SAMD3: variants seen among roughly 807,000 people sequenced by gnomAD.
SAMD3 encodes the protein sterile alpha motif domain containing 3, also known as sterile alpha motif domain-containing protein 3.
Under a neutral mutation model 58.5 loss-of-function variants are expected in SAMD3, and 63 were observed. The observed-to-expected ratio is 1.08, with a 90% CI of 0.88 to 1.33. The LOEUF is 1.33. Ranked by LOEUF, SAMD3 falls within the 40% of genes most tolerant of loss-of-function variation. The probability of loss-of-function intolerance (pLI) is 0.00; values close to 1 mark genes in which losing one functional copy is unlikely to be tolerated. For missense variants in SAMD3, 604 were observed against 608.4 expected (o/e 0.99, Z 0.08); for synonymous variants, 220 against 210.3 (o/e 1.05, Z -0.40).
chr6:130,268,456 T>TGTACATTATTG (rs1295881699), intron 2 of SAMD3, among the ~76,000 whole-genome samples: 2 of 152,248 alleles, frequency 1.3e-5, no homozygotes, highest in East Asian at 1.9e-4. Flanking sequence ...TTTATAAAAT[T>TGTACATTATTG]TACAGTAGTG....
chr6:130,256,532 T>C (rs962011), intron 2 of SAMD3, among the ~76,000 whole-genome samples: 67,916 of 152,054 alleles, frequency 0.45, 17,182 homozygotes, highest in African/African-American at 0.69. Context: ...GAAGCAATTT[T>C]TTTTCTTTTG....
At chr6:130,295,150 C>T (rs1329393226) in intron 2 of SAMD3, among the ~76,000 whole-genome samples, 2 of 151,950 alleles carry the variant, frequency 1.3e-5, no homozygotes, top group South Asian at 4.2e-4. Flanking sequence ...CTCGAACTCC[C>T]GACCTCAGGT....
chr6:130,199,299 A>G (rs756969841), intron 5 of SAMD3, among the ~76,000 whole-genome samples: 12 of 152,156 alleles, frequency 7.9e-5, no homozygotes, highest in Admixed American at 6.5e-5. Context: ...ATTCCTCTCT[A>G]CATCCAAGCC....
intron 5 of SAMD3, among the ~76,000 whole-genome samples, chr6:130,205,063 G>A (rs1794965045): frequency 6.6e-6 from 1 of 151,382 alleles, no homozygotes; most frequent in Non-Finnish European, 1.5e-5. Context: ...TCTTGAAAAA[G>A]GCTGGCTTCA....
chr6:130,344,164 T>C (rs1583134265), intron 1 of SAMD3, among the ~76,000 whole-genome samples: 1 of 152,178 alleles, frequency 6.6e-6, no homozygotes, highest in East Asian at 1.9e-4. Context: ...AATTTGGTAA[T>C]ACATAAAAAA....
rs777901102 is a variant in SAMD3 at position 130,154,909 on chromosome 6, C to T, written c.939G>A (p.Leu313=). 15 of 1,613,278 alleles carry T rather than the reference C, an allele frequency of 9.3e-6. No individual in the cohort carries two copies. The highest frequency in any genetic ancestry group is 1.2e-5 in the Non-Finnish European group (14 of 1,179,736). The change falls in exon 9 of 12, where the codon TTG becomes TTA. Residue 313 remains leucine, a synonymous_variant. Coordinates refer to ENST00000439090, the MANE Select transcript of SAMD3 (RefSeq NM_001017373.4). ...REIDKRMSQT[L]EIRRKMIGSR... Reference sequence around the variant, plus strand: ...TGCCAATCATCTTTCTTCTTATTTCCAAAGTTTGGCTCATTCTCTTGTCAA... The same window carrying T: ...TGCCAATCATCTTTCTTCTTATTTCTAAAGTTTGGCTCATTCTCTTGTCAA...
intron 2 of SAMD3, among the ~76,000 whole-genome samples, chr6:130,274,242 A>G (rs1235426304): frequency 1.3e-5 from 2 of 152,196 alleles, no homozygotes; most frequent in African/African-American, 4.8e-5. Flanking sequence ...CTGATAAGAA[A>G]TCCACTGATA....
chr6:130,281,507 T>G (rs1447239126), intron 2 of SAMD3, among the ~76,000 whole-genome samples: 1 of 152,126 alleles, frequency 6.6e-6, no homozygotes, highest in Non-Finnish European at 1.5e-5. Context: ...CTGCATCTGT[T>G]CTTCATTTTT....
chr6:130,197,922 A>G (rs1039645060), intron 5 of SAMD3, among the ~76,000 whole-genome samples: 2 of 152,108 alleles, frequency 1.3e-5, no homozygotes, highest in Non-Finnish European at 2.9e-5. Flanking sequence ...TTCCACCACA[A>G]AAGAAGTGAA....
intron 2 of SAMD3, among the ~76,000 whole-genome samples, chr6:130,228,442 G>A (rs922813725): frequency 2.0e-5 from 3 of 152,110 alleles, no homozygotes; most frequent in Admixed American, 6.5e-5. Flanking sequence ...AGAAATGGAC[G>A]GGCACAGGAA....
chr6:130,203,349 C>A (rs1794812192), intron 5 of SAMD3, among the ~76,000 whole-genome samples: 1 of 152,234 alleles, frequency 6.6e-6, no homozygotes, highest in East Asian at 1.9e-4. Flanking sequence ...ATAACTTGTC[C>A]AAGGTTACTC....
At chr6:130,320,145 A>G (rs2114999828) in intron 1 of SAMD3, among the ~76,000 whole-genome samples, 1 of 152,298 alleles carries the variant, frequency 6.6e-6, no homozygotes, top group African/African-American at 2.4e-5. Context: ...GGAAATAAAT[A>G]TCAAACGCAT....
intron 2 of SAMD3, among the ~76,000 whole-genome samples, chr6:130,242,964 A>C (rs1467806073): frequency 6.6e-6 from 1 of 152,176 alleles, no homozygotes; most frequent in Non-Finnish European, 1.5e-5. Context: ...TGCCTGGGGT[A>C]TCTCAGGGAT....
At chr6:130,262,201 G>C (rs546323230) in intron 2 of SAMD3, among the ~76,000 whole-genome samples, 1 of 151,788 alleles carries the variant, frequency 6.6e-6, no homozygotes. Context: ...GGCATATCTC[G>C]AAAGCACTGA....
intron 2 of SAMD3, among the ~76,000 whole-genome samples, chr6:130,296,552 G>A (rs897590124): frequency 1.3e-5 from 2 of 152,156 alleles, no homozygotes; most frequent in Non-Finnish European, 2.9e-5. Context: ...TCCCACCGGG[G>A]GCCAGAGCAC....
At chr6:130,219,425 G>A (rs1241904050) in intron 1 of SAMD3, among the ~76,000 whole-genome samples, 1 of 152,026 alleles carries the variant, frequency 6.6e-6, no homozygotes, top group Non-Finnish European at 1.5e-5. Flanking sequence ...AGATTTTGGT[G>A]CACACATCAC....
Position 130,240,594 on chromosome 6 carries a change from C to T in SAMD3, c.-187-17781G>A, listed in dbSNP as rs150776792. On this transcript the variant is annotated intron_variant, in intron 2 of 13. Coordinates refer to the SAMD3 transcript ENST00000368134. ...TCCCTCAAAAATCGTGTGTTGGAAA[C>T]GTAATTCCCAATGTGACTGTGTTGG... Among the ~76,000 whole-genome samples the T allele has an allele frequency of 7.6e-3, 1,163 of 152,244 alleles. 8 individuals carry two copies. The highest frequency in any genetic ancestry group is 0.013 in the African/African-American group (520 of 41,542).
chr6:130,187,282 T>G (rs918949083), intron 5 of SAMD3, among the ~76,000 whole-genome samples: 1 of 152,182 alleles, frequency 6.6e-6, no homozygotes, highest in Admixed American at 6.5e-5. Context: ...TTACACTGTT[T>G]GTCTTTTTAT....
chr6:130,318,538 T>A (rs1473850207), intron 1 of SAMD3, among the ~76,000 whole-genome samples: 1 of 152,066 alleles, frequency 6.6e-6, no homozygotes, highest in Non-Finnish European at 1.5e-5. Context: ...AAGTGATTCT[T>A]GTGCCTCAGC....
Sources: allele counts gnomAD v4.1 joint callset (sites outside exome capture counted in the v4.1 genomes callset), GRCh38; gene constraint gnomAD v4.1.1; transcripts MANE v1.5; gene names NCBI Gene and HGNC (gene_info 2026-07-23, HGNC 2026-07-21).